The following ASMT variants were observed in gnomAD, a reference collection of about 807,000 sequenced individuals.
The protein encoded by ASMT is acetylserotonin O-methyltransferase, also known as acetylserotonin N-methyltransferase.
In ASMT, 53 loss-of-function variants were observed where a neutral mutation model predicts 41.3. The ratio of observed to expected loss-of-function variants is 1.28; its 90% confidence interval spans 1.03 to 1.61. The LOEUF (loss-of-function observed/expected upper bound fraction) is 1.61, where lower values mean the gene tolerates loss of function less well. ASMT is among the 40% of genes most tolerant of loss of function. The probability of loss-of-function intolerance (pLI) is 0.00; values close to 1 mark genes in which losing one functional copy is unlikely to be tolerated. For missense variants in ASMT, 531 were observed against 441.3 expected (o/e 1.20, Z -1.82); for synonymous variants, 231 against 184.8 (o/e 1.25, Z -2.03).
intron 5 of ASMT, among the ~76,000 whole-genome samples, chrX:1,632,312 CTGTAGACAA>C (rs780117508): frequency 7.9e-5 from 12 of 152,196 alleles, no homozygotes; most frequent in African/African-American, 2.9e-4. Context: ...ACTCAGGGGC[CTGTAGACAA>C]TCACGTCACC....
intron 6 of ASMT, 132 bp downstream of exon 6, chrX:1,632,919 G>A (rs1934831407): frequency 1.6e-6 from 1 of 623,812 alleles, no homozygotes; most frequent in African/African-American, 1.8e-5. Context: ...TAAATGACGA[G>A]TCGATGGGTG....
At chrX:1,632,528 G>A (rs1397378867) in intron 5 of ASMT, among the ~76,000 whole-genome samples, 176 bp from the exon 6 acceptor site, 10 of 152,028 alleles carry the variant, frequency 6.6e-5, no homozygotes, top group African/African-American at 1.9e-4. Context: ...GGTGGCGGGC[G>A]CCTGTAGTCC....
chrX:1,627,609 GA>G lies in ASMT; in HGVS notation c.375-91del, dbSNP rs1934600330. The G allele has an allele frequency of 4.6e-6, 6 of 1,308,950 alleles. 1 individual carries two copies. In the African/African-American group the frequency reaches 8.7e-5, roughly 19 times the overall value. The allele number at this position is 1,308,950 out of a possible 1,614,324, so 81.1% of individuals were successfully genotyped here. A position where few individuals can be genotyped will look rare whatever the true frequency, so the allele number is the denominator to read the frequency against. On this transcript the variant is annotated intron_variant, in intron 3 of 8. Transcript: ENST00000381241. ...GCACTCCAGCCTGGGCTACAGAGCT[GA>G]AATGAAATGAAACGAAATGAAACGA...
chrX:1,626,530 AG>A lies in ASMT; in HGVS notation c.375-1172del, dbSNP rs1311536753. On this transcript the variant is annotated intron_variant, in intron 3 of 8. Coordinates refer to ENST00000381241, the MANE Select transcript of ASMT (RefSeq NM_001171038.2). The stretch of plus-strand genomic sequence containing the variant: ...ATTATAGGTGTGAGCCACCACGCCC[AG>A]CCTTTGATTTTCTTCTTTATCTGTG... Among the ~76,000 whole-genome samples, 58 of 152,184 alleles carry A rather than the reference AG, an allele frequency of 3.8e-4. 1 individual carries two copies. Among genetic ancestry groups the A allele is most frequent in the Non-Finnish European group, 2.4e-4 (16 of 67,980 alleles).
intron 1 of ASMT, among the ~76,000 whole-genome samples, chrX:1,621,478 C>T (rs1569371298): frequency 6.6e-6 from 1 of 151,588 alleles, no homozygotes; most frequent in African/African-American, 2.4e-5. Context: ...CCACCATGCC[C>T]AGCTAATTTT....
chrX:1,616,426 G>C (rs1469101129), intron 1 of ASMT, among the ~76,000 whole-genome samples: 1 of 151,482 alleles, frequency 6.6e-6, no homozygotes, highest in Non-Finnish European at 1.5e-5. Flanking sequence ...AAGTGGACTG[G>C]TGGTTTGCAG....
At chrX:1,622,097 A>G (rs1386145532) in intron 1 of ASMT, among the ~76,000 whole-genome samples, 87 of 151,712 alleles carry the variant, frequency 5.7e-4, no homozygotes, top group Non-Finnish European at 1.1e-3. Flanking sequence ...GGTTTACGCC[A>G]TTCTCCTGCC....
rs767145504 is a variant in ASMT, at chrX:1,642,867, G to T, written c.975G>T (p.Gln325His). 6 of 1,613,958 alleles carry T rather than the reference G, an allele frequency of 3.7e-6. No individual in the cohort carries two copies. The South Asian group carries it at 6.6e-5, about 18-fold the overall frequency. Residue 325 changes from glutamine (Q) to histidine (H), a missense_variant, in exon 9 of 9, where the codon CAG becomes CAT. Coordinates refer to ENST00000381241, the MANE Select transcript of ASMT (RefSeq NM_001171038.2). ...ACAGGCGAGGTCCTCTGCTCACGCA[G>T]CTCTACTCTCTGAACATGCTTGTGC... ...DEDRRGPLLT[Q>H]LYSLNMLVQT...
At chrX:1,623,053 C>T (rs1235641971) in intron 1 of ASMT, 86 bp from the exon 2 acceptor site, 1 of 1,383,344 alleles carries the variant, frequency 7.2e-7, no homozygotes, top group Non-Finnish European at 1.0e-6. Flanking sequence ...GCTTTCCTCC[C>T]TAGCCTGCCA....
chrX:1,615,529 G>A (rs1191109460), intron 1 of ASMT, among the ~76,000 whole-genome samples: 3 of 152,042 alleles, frequency 2.0e-5, no homozygotes, highest in Admixed American at 6.6e-5. Context: ...TGGGCCAGTC[G>A]TGGTGGCTCA....
rs748103633 is a variant in ASMT at position 1,624,320 on chromosome X, C to T, written c.296C>T (p.Pro99Leu). The change falls in exon 3 of 9, where the codon CCG (proline) becomes CTG (leucine). Residue 99 changes from proline (P) to leucine (L), a missense_variant. By Grantham distance (98) the Pro-to-Leu change is moderately conservative (BLOSUM62 -3). Transcript: ENST00000381241. ...AGCGACTACCTGACCACGGTCAGCCCGACGTCACAATGCAGCATGCTGAAG... is the reference window on the plus strand; with the variant it reads ...AGCGACTACCTGACCACGGTCAGCCTGACGTCACAATGCAGCATGCTGAAG... ...LSSDYLTTVS[P>L]TSQCSMLKYM... 1.5e-5 allele frequency: 25 copies of T among 1,613,944 alleles called. No homozygotes were observed. The highest frequency in any genetic ancestry group is 8.3e-5 in the Admixed American group (5 of 60,002).
In ASMT at chrX:1,627,600, T is replaced by G. The variant is rs1227352188; in HGVS notation, c.375-103T>G. The G allele has an allele frequency of 4.4e-5, 55 of 1,236,356 alleles. No homozygotes were observed. In the Middle Eastern group the frequency reaches 1.3e-3, roughly 29 times the overall value. 76.6% of individuals were successfully genotyped at this position (1,236,356 alleles called of 1,614,324 possible). A position where few individuals can be genotyped will look rare whatever the true frequency, so the allele number is the denominator to read the frequency against. The stretch of plus-strand genomic sequence containing the variant: ...CGTGCCATTGCACTCCAGCCTGGGC[T>G]ACAGAGCTGAAATGAAATGAAACGA... On this transcript the variant is annotated intron_variant, in intron 3 of 8. Coordinates refer to ENST00000381241, the MANE Select transcript of ASMT (RefSeq NM_001171038.2).
chrX:1,636,506 G>A lies in ASMT; in HGVS notation c.856G>A (p.Ala286Thr), dbSNP rs1171678186. The change falls in exon 8 of 9, where the codon GCA (alanine) becomes ACA (threonine). Residue 286 changes from alanine to threonine, a missense_variant. Physicochemically the swap from Ala to Thr is moderately conservative, Grantham distance 58. Coordinates refer to ENST00000381241, the MANE Select transcript of ASMT (RefSeq NM_001171038.2). ...CCTGGCCAGGGTCCTCCATGACTGG[G>A]CAGACGGAAAGTGCTCACACCTGCT... ...YILARVLHDW[A>T]DGKCSHLLER... 7 of 1,613,800 alleles carry A rather than the reference G, an allele frequency of 4.3e-6. No homozygotes were observed. The highest frequency in any genetic ancestry group is 1.1e-5 in the South Asian group (1 of 91,084).
intron 1 of ASMT, among the ~76,000 whole-genome samples, chrX:1,618,818 C>T (rs1440614857): frequency 3.3e-5 from 5 of 152,178 alleles, no homozygotes; most frequent in Admixed American, 2.6e-4. Flanking sequence ...CTCCTTTGAC[C>T]GCAGGCCTCC....
intron 3 of ASMT, among the ~76,000 whole-genome samples, chrX:1,625,158 G>A (rs1168908240): frequency 4.7e-5 from 7 of 149,396 alleles, no homozygotes; most frequent in East Asian, 2.0e-4. Flanking sequence ...AGGGTGGAGC[G>A]CAGTGGCGCC....
At chrX:1,634,976 CTTT>C (rs772826246) in intron 7 of ASMT, among the ~76,000 whole-genome samples, 4 of 112,080 alleles carry the variant, frequency 3.6e-5, no homozygotes, top group African/African-American at 7.3e-5. Flanking sequence ...TGAGTTAACT[CTTT>C]TTTTTTTTTT....
chrX:1,631,188 G>A (rs1934764755), intron 5 of ASMT, among the ~76,000 whole-genome samples: 2 of 151,458 alleles, frequency 1.3e-5, no homozygotes, highest in Non-Finnish European at 2.9e-5. Context: ...TGCCAGGATT[G>A]CAGGCATGAG....
At chrX:1,642,137 G>C (rs779065265) in intron 8 of ASMT, among the ~76,000 whole-genome samples, 1 of 146,950 alleles carries the variant, frequency 6.8e-6, no homozygotes, top group South Asian at 2.2e-4. Flanking sequence ...TCTCCTGTGA[G>C]GTCCACCCAT....
At chrX:1,620,905 AATAAT>A (rs1934314439) in intron 1 of ASMT, among the ~76,000 whole-genome samples, 1 of 148,914 alleles carries the variant, frequency 6.7e-6, no homozygotes, top group African/African-American at 2.5e-5. Flanking sequence ...TAATGATAAT[AATAAT>A]AAACAAATAA....
Sources: allele counts gnomAD v4.1 joint callset (sites outside exome capture counted in the v4.1 genomes callset), GRCh38; gene constraint gnomAD v4.1.1; transcripts MANE v1.5; gene names NCBI Gene and HGNC (gene_info 2026-07-23, HGNC 2026-07-21).